Variants in KCNIP1 observed in about 807,000 individuals in gnomAD.
KCNIP1 encodes the protein potassium voltage-gated channel interacting protein 1.
In KCNIP1, 18 loss-of-function variants were observed where a neutral mutation model predicts 33.0. That is an observed-to-expected ratio of 0.55 (90% CI 0.38 to 0.81). The LOEUF (loss-of-function observed/expected upper bound fraction) is 0.81, where lower values mean the gene tolerates loss of function less well. KCNIP1 is among the 30% of genes least tolerant of loss of function. KCNIP1 has a pLI of 0.00. For synonymous variants in KCNIP1, 93 were observed against 98.3 expected (o/e 0.95, Z 0.32); for missense variants, 238 against 271.6 (o/e 0.88, Z 0.87).
chr5:170,470,732 T>C (rs1488785182), intron 1 of KCNIP1, among the ~76,000 whole-genome samples: 1 of 152,216 alleles, frequency 6.6e-6, no homozygotes, highest in Non-Finnish European at 1.5e-5. Flanking sequence ...GAAAGGTGGA[T>C]TCAAAGATTT....
chr5:170,673,348 C>T (rs900923675), intron 1 of KCNIP1, among the ~76,000 whole-genome samples: 8 of 152,204 alleles, frequency 5.3e-5, no homozygotes, highest in Non-Finnish European at 1.2e-4. Flanking sequence ...AGGCTCTATT[C>T]CCGATCTGTT....
chr5:170,573,437 G>T (rs1369982908), intron 1 of KCNIP1, among the ~76,000 whole-genome samples: 1 of 151,900 alleles, frequency 6.6e-6, no homozygotes, highest in African/African-American at 2.4e-5. Context: ...GAATTCTCCA[G>T]GTAACCTCTT....
At chr5:170,717,758 A>C (rs1268307534) in intron 1 of KCNIP1, among the ~76,000 whole-genome samples, 1 of 152,218 alleles carries the variant, frequency 6.6e-6, no homozygotes. Context: ...AGGATGAGAC[A>C]TGGTCTGTGC....
chr5:170,499,504 G>A (rs1445603764), upstream of KCNIP1, among the ~76,000 whole-genome samples: 10 of 152,192 alleles, frequency 6.6e-5, no homozygotes, highest in African/African-American at 9.7e-5. Context: ...TTCAGAGATC[G>A]TACTCATCAT....
At chr5:170,398,578 A>G (rs976431986) in intron 1 of KCNIP1, among the ~76,000 whole-genome samples, 1 of 152,198 alleles carries the variant, frequency 6.6e-6, no homozygotes, top group African/African-American at 2.4e-5. Context: ...AGTCCTTTAT[A>G]TGTTCATTGG....
rs1426468197 is a variant in KCNIP1, at chr5:170,597,778, GAGATAAATATATATATATATATAT to G, written c.61+93147_61+93170del. On this transcript the variant is annotated intron_variant, in intron 1 of 7. Transcript: ENST00000328939. Reference sequence around the variant, plus strand: ...CAGCTCACTTCTGATGCTGGAGAGAGAGATAAATATATATATATATATATATATATATATATATATATATATATA... The same window carrying G: ...CAGCTCACTTCTGATGCTGGAGAGAGATATATATATATATATATATATATA... Among the ~76,000 whole-genome samples the G allele has an allele frequency of 1.0e-3, 109 of 106,376 alleles. 2 individuals are homozygous for G. The highest frequency in any genetic ancestry group is 2.5e-3 in the East Asian group (10 of 3,956). 69.8% of individuals were successfully genotyped at this position (106,376 alleles called of 152,430 possible).
intron 1 of KCNIP1, among the ~76,000 whole-genome samples, chr5:170,634,626 AG>A (rs1760213030): frequency 1.3e-5 from 2 of 152,354 alleles, no homozygotes; most frequent in Non-Finnish European, 2.9e-5. Context: ...TAAAGAGGGA[AG>A]AAAAGAGCAT....
intron 1 of KCNIP1, among the ~76,000 whole-genome samples, chr5:170,689,034 A>G (rs1039135877): frequency 1.2e-4 from 18 of 152,172 alleles, no homozygotes; most frequent in African/African-American, 4.3e-4. Context: ...GAAGGAGGGA[A>G]TCAGAGCTAA....
chr5:170,482,977 T>A (rs999094941), intron 1 of KCNIP1: 3 of 420,000 alleles, frequency 7.1e-6, no homozygotes, highest in African/African-American at 6.2e-5. Flanking sequence ...ATTCCATGCA[T>A]CCCTAGAAAA....
intron 5 of KCNIP1, among the ~76,000 whole-genome samples, chr5:170,724,670 T>G (rs1763947520): frequency 6.6e-6 from 1 of 152,180 alleles, no homozygotes; most frequent in South Asian, 2.1e-4. Flanking sequence ...TTTACAAAAA[T>G]CATTTATAAT....
At chr5:170,586,702 T>G (rs1758002854) in intron 1 of KCNIP1, among the ~76,000 whole-genome samples, 1 of 152,204 alleles carries the variant, frequency 6.6e-6, no homozygotes, top group Non-Finnish European at 1.5e-5. Context: ...GGGTGTTCGA[T>G]TCACAGTGGA....
chr5:170,652,435 AGATT>A (rs1443714222), intron 1 of KCNIP1, among the ~76,000 whole-genome samples: 1 of 149,214 alleles, frequency 6.7e-6, no homozygotes, highest in Non-Finnish European at 1.5e-5. Flanking sequence ...CAGTGAGCCC[AGATT>A]GAACCACTGC....
rs566572662 is a variant in KCNIP1 at position 170,535,677 on chromosome 5, C to T, written c.61+31044C>T. Among the ~76,000 whole-genome samples the T allele has an allele frequency of 4.8e-4, 73 of 152,282 alleles. 1 individual carries two copies. The highest frequency in any genetic ancestry group is 1.7e-3 in the African/African-American group (72 of 41,548). ...AAATCCCAGCCCCCTTTGCTTCTCA[C>T]ACTTGTAGAGGTCTTTCCCTAAGCA... On this transcript the variant is annotated intron_variant, in intron 1 of 7. Coordinates refer to ENST00000328939, the MANE Select transcript of KCNIP1 (RefSeq NM_014592.4).
chr5:170,465,355 C>A (rs1417161649), intron 1 of KCNIP1, among the ~76,000 whole-genome samples: 1 of 152,200 alleles, frequency 6.6e-6, no homozygotes, highest in African/African-American at 2.4e-5. Flanking sequence ...TTCCATCCTC[C>A]TTCCCTTGCT....
At chr5:170,542,805 C>T (rs1756261886) in intron 1 of KCNIP1, among the ~76,000 whole-genome samples, 1 of 152,232 alleles carries the variant, frequency 6.6e-6, no homozygotes, top group Admixed American at 6.5e-5. Flanking sequence ...CTCTCGTTCA[C>T]TCGCTCAAAA....
chr5:170,378,993 C>T, intron 1 of KCNIP1: 2 of 1,608,130 alleles, frequency 1.2e-6, no homozygotes, highest in Non-Finnish European at 1.7e-6. Flanking sequence ...GAAACAAGAG[C>T]AGCTGTGGGC....
rs574427879 is a variant in KCNIP1, at chr5:170,415,706, C to A, written c.88+61742C>A. Among the ~76,000 whole-genome samples, 6 of 152,274 alleles carry A rather than the reference C, an allele frequency of 3.9e-5. No individual in the cohort carries two copies. In the East Asian group the frequency reaches 1.2e-3, roughly 29 times the overall value. On this transcript the variant is annotated intron_variant, in intron 1 of 7. Coordinates refer to the KCNIP1 transcript ENST00000377360. ...GGTGTCTCTCTCGTTTGCTGTCTGC[C>A]CCTCTCCCCTGGGCTATGAGCGCCA...
At chr5:170,619,285 A>G (rs1425599565) in intron 1 of KCNIP1, among the ~76,000 whole-genome samples, 2 of 152,242 alleles carry the variant, frequency 1.3e-5, no homozygotes, top group Non-Finnish European at 2.9e-5. Flanking sequence ...GATGGACCCA[A>G]GTTCACAGCC....
At chr5:170,373,347 G>A (rs902822481) in intron 1 of KCNIP1, among the ~76,000 whole-genome samples, 2 of 152,196 alleles carry the variant, frequency 1.3e-5, no homozygotes, top group Non-Finnish European at 2.9e-5. Flanking sequence ...TACAGGGCAC[G>A]GTGTGGGAGG....
Sources: gnomAD v4.1 joint callset for allele counts (sites outside exome capture counted in the v4.1 genomes callset) on GRCh38, gnomAD v4.1.1 for gene constraint, MANE v1.5 for transcripts, NCBI Gene and HGNC (gene_info 2026-07-23, HGNC 2026-07-21) for gene names.